The following NBPF3 variants were observed in gnomAD, a reference collection of about 807,000 sequenced individuals.
NBPF3 encodes NBPF member 3.
NBPF3 carries 57 observed loss-of-function variants against 78.1 expected under a neutral mutation model. That is an observed-to-expected ratio of 0.73 (90% CI 0.59 to 0.91). The LOEUF (loss-of-function observed/expected upper bound fraction) is 0.91. Among genes scored for constraint, NBPF3 ranks in the 40% least tolerant of loss-of-function variants. The pLI is 0.00. For missense variants in NBPF3, 510 were observed against 715.3 expected, an observed-to-expected ratio of 0.71 and a Z score of 3.27; for synonymous variants, 182 against 271.7, an observed-to-expected ratio of 0.67 and a Z score of 3.25.
chr1:21,483,511 T>A lies in NBPF3; in HGVS notation c.*125T>A. 1.1e-5 allele frequency: 4 copies of A among 359,744 alleles called. No individual in the cohort carries two copies. The highest frequency in any genetic ancestry group is 2.0e-5 in the Non-Finnish European group (4 of 203,974). The allele number at this position is 359,744 out of a possible 1,614,324, so 22.3% of individuals were successfully genotyped here. On this transcript the variant is annotated 3_prime_UTR_variant, in exon 15 of 15. Coordinates refer to ENST00000318249, the MANE Select transcript of NBPF3 (RefSeq NM_032264.6). ...TAGGATGGGAAAGTGGGCATGGCTC[T>A]ATTCCTATTCTCAGACCATGCCAGT...
intron 2 of NBPF3, among the ~76,000 whole-genome samples, chr1:21,464,528 G>A (rs1642145077): frequency 6.6e-6 from 1 of 152,074 alleles, no homozygotes; most frequent in South Asian, 2.1e-4. Flanking sequence ...CTGGAATTAG[G>A]TAGTGGCGAT....
At chr1:21,466,763 A>G (rs1001686997) in intron 2 of NBPF3, among the ~76,000 whole-genome samples, 8 of 152,240 alleles carry the variant, frequency 5.3e-5, no homozygotes, top group Non-Finnish European at 1.0e-4. Flanking sequence ...ATGTCCAAAT[A>G]CATGATTTGC....
At chr1:21,468,449 C>T in intron 2 of NBPF3, 1 of 1,405,812 alleles carries the variant, frequency 7.1e-7, no homozygotes, top group Non-Finnish European at 9.2e-7. Context: ...AGACCGTTAC[C>T]TGGCACACTG....
chr1:21,450,860 G>A (rs776977254), intron 2 of NBPF3, among the ~76,000 whole-genome samples: 1 of 152,128 alleles, frequency 6.6e-6, no homozygotes, highest in African/African-American at 2.4e-5. Flanking sequence ...GTGAAATGAC[G>A]GGACAGACAT....
chr1:21,445,656 G>A (rs1640927178), intron 2 of NBPF3, among the ~76,000 whole-genome samples: 1 of 152,178 alleles, frequency 6.6e-6, no homozygotes, highest in South Asian at 2.1e-4. Context: ...ACACTGTCCT[G>A]GGTGGGGAGA....
At chr1:21,446,869 C>G (rs10799691) in intron 2 of NBPF3, among the ~76,000 whole-genome samples, 104,632 of 151,620 alleles carry the variant, frequency 0.69, 37,080 homozygotes, top group South Asian at 0.84. Context: ...GTTTTTACCT[C>G]TCCTTACCAG....
intron 1 of NBPF3, among the ~76,000 whole-genome samples, 186 bp downstream of exon 1, chr1:21,440,534 C>T (rs548125296): frequency 6.6e-6 from 1 of 152,168 alleles, no homozygotes; most frequent in Non-Finnish European, 1.5e-5. Flanking sequence ...CCTGCCGCTG[C>T]CGCCCTCAGC....
chr1:21,474,830 G>A (rs1171939590), intron 7 of NBPF3, 70 bp from the exon 8 acceptor site: 3 of 1,369,296 alleles, frequency 2.2e-6, no homozygotes, highest in Non-Finnish European at 3.1e-6. Context: ...TCCTATGACT[G>A]GACACTGATT....
chr1:21,463,788 A>T (rs934983229), intron 2 of NBPF3, among the ~76,000 whole-genome samples: 8 of 152,232 alleles, frequency 5.3e-5, no homozygotes, highest in Admixed American at 5.2e-4. Context: ...ACAATGGGGA[A>T]AAAAGCTGTG....
At chr1:21,473,894 G>T (rs190257505) in intron 7 of NBPF3, among the ~76,000 whole-genome samples, 2 of 152,246 alleles carry the variant, frequency 1.3e-5, no homozygotes, top group Non-Finnish European at 1.5e-5. Context: ...TGATTAAGTC[G>T]TCTGTCCCTG....
chr1:21,458,183 A>G (rs750576988), intron 2 of NBPF3, among the ~76,000 whole-genome samples: 2 of 152,122 alleles, frequency 1.3e-5, no homozygotes, highest in Non-Finnish European at 2.9e-5. Flanking sequence ...CAGACCTCCA[A>G]TAAACTTGTT....
At chr1:21,437,255 C>G (rs1640443279), upstream of NBPF3, 1 of 332,196 alleles carries the variant, frequency 3.0e-6, no homozygotes, top group Non-Finnish European at 5.5e-6. Flanking sequence ...TGGGAGCCCT[C>G]GGGGTGGTGT....
At chr1:21,464,472 G>A (rs2147963142) in intron 2 of NBPF3, among the ~76,000 whole-genome samples, 1 of 152,076 alleles carries the variant, frequency 6.6e-6, no homozygotes, top group East Asian at 1.9e-4. Flanking sequence ...ATTGGAGAGT[G>A]TCTGCCCATA....
intron 8 of NBPF3, among the ~76,000 whole-genome samples, chr1:21,477,281 C>T (rs1286042337): frequency 6.6e-6 from 1 of 152,206 alleles, no homozygotes; most frequent in Admixed American, 6.5e-5. Context: ...TCTGTCAGCT[C>T]ATCAAAGTTA....
chr1:21,445,120 T>C lies in NBPF3; in HGVS notation c.34T>C (p.Trp12Arg). 1.9e-6 allele frequency: 3 copies of C among 1,611,890 alleles called. No individual in the cohort carries two copies. The highest frequency in any genetic ancestry group is 2.5e-6 in the Non-Finnish European group (3 of 1,179,804). Residue 12 changes from tryptophan (W) to arginine (R), a missense_variant, in exon 2 of 15, where the codon TGG becomes CGG. Transcript: ENST00000318249. ...PLTPTVQGFQ[W>R]TLRGPDVETS... ...GACTCCCACTGTCCAGGGCTTCCAG[T>C]GGACTCTCCGAGGCCCTGATGTAGA...
chr1:21,465,191 A>G (rs1642191577), intron 2 of NBPF3, among the ~76,000 whole-genome samples: 1 of 152,238 alleles, frequency 6.6e-6, no homozygotes, highest in Non-Finnish European at 1.5e-5. Context: ...TCCAGGACTT[A>G]CAACAAGGGG....
chr1:21,479,451 G>C, intron 10 of NBPF3, 51 bp downstream of exon 10: 1 of 1,514,948 alleles, frequency 6.6e-7, no homozygotes, highest in Non-Finnish European at 9.1e-7. Flanking sequence ...ACCTGGAGAT[G>C]CCAAGTCCGG....
At chr1:21,479,838 G>A (rs937697352) in intron 10 of NBPF3, among the ~76,000 whole-genome samples, 2 of 145,900 alleles carry the variant, frequency 1.4e-5, no homozygotes, top group African/African-American at 4.9e-5. Flanking sequence ...GTGTGTGTGT[G>A]TGTGTGTGTG....
At chr1:21,475,448 G>C (rs1318413091) in intron 8 of NBPF3, among the ~76,000 whole-genome samples, 2 of 152,134 alleles carry the variant, frequency 1.3e-5, no homozygotes, top group Non-Finnish European at 2.9e-5. Flanking sequence ...CAGAGATTCT[G>C]GTATGTTGTG....
Sources: gnomAD v4.1 joint callset for allele counts (sites outside exome capture counted in the v4.1 genomes callset) on GRCh38, gnomAD v4.1.1 for gene constraint, MANE v1.5 for transcripts, NCBI Gene and HGNC (gene_info 2026-07-23, HGNC 2026-07-21) for gene names.